The following FARP1 variants were observed in gnomAD, a reference collection of about 807,000 sequenced individuals.
FARP1 encodes the protein FERM, ARHGEF and pleckstrin domain-containing protein 1.
In FARP1, 52 loss-of-function variants were observed where a neutral mutation model predicts 128.8. The ratio of observed to expected loss-of-function variants is 0.40; its 90% CI spans 0.32 to 0.51. FARP1 has a LOEUF of 0.51. FARP1 is among the 20% of genes least tolerant of loss of function. The pLI, the probability that FARP1 is intolerant of heterozygous loss-of-function variation, is 0.45. For missense variants in FARP1, 1,333 were observed against 1,367.9 expected (o/e 0.97, Z 0.40); for synonymous variants, 580 against 551.8 (o/e 1.05, Z -0.72).
At chr13:98,295,806 G>C (rs1403633754) in intron 2 of FARP1, among the ~76,000 whole-genome samples, 1 of 152,178 alleles carries the variant, frequency 6.6e-6, no homozygotes, top group Non-Finnish European at 1.5e-5. Flanking sequence ...CAACGATAAA[G>C]AATTGTATCT....
intron 4 of FARP1, among the ~76,000 whole-genome samples, chr13:98,366,320 T>G (rs1229152882): frequency 2.0e-5 from 3 of 152,236 alleles, no homozygotes; most frequent in Non-Finnish European, 4.4e-5. Flanking sequence ...GAAATTGATG[T>G]TGATCATCTA....
chr13:98,205,621 C>T lies in FARP1; in HGVS notation c.-23-7599C>T, dbSNP rs1041734390. 5.3e-5 allele frequency among the ~76,000 whole-genome samples: 8 copies of T among 152,150 alleles called. No individual in the cohort carries two copies. In the East Asian group the frequency reaches 1.3e-3, roughly 26 times the overall value. On this transcript the variant is annotated intron_variant, in intron 1 of 26. Transcript: ENST00000319562. ...TGTTAGCCAGGGTGGTCTCGATCTC[C>T]TGACCTTGTGATCCACCTGCCTTGG... is the stretch of plus-strand genomic sequence containing the variant.
At chr13:98,246,815 T>G (rs1457118404) in intron 2 of FARP1, among the ~76,000 whole-genome samples, 1 of 152,142 alleles carries the variant, frequency 6.6e-6, no homozygotes, top group Non-Finnish European at 1.5e-5. Context: ...AATGGAACAT[T>G]GTTAATTAGC....
chr13:98,385,911 G>C, intron 8 of FARP1, 97 bp downstream of exon 8: 1 of 1,319,336 alleles, frequency 7.6e-7, no homozygotes, highest in Non-Finnish European at 1.0e-6. Context: ...TAAGACCTCT[G>C]ATGGTTATTT....
rs1877057301 is a variant in FARP1 at position 98,163,862 on chromosome 13, C to G, written c.-24+20370C>G. 2.0e-5 allele frequency among the ~76,000 whole-genome samples: 3 copies of G among 152,116 alleles called. 1 individual carries two copies. In the South Asian group the frequency reaches 6.2e-4, roughly 32 times the overall value. On this transcript the variant is annotated intron_variant, in intron 1 of 26. Transcript: ENST00000319562. The stretch of plus-strand genomic sequence containing the variant: ...TAGCTGGGATGACAGGCACCCGCCA[C>G]CACGCCCAGCTAATTTTTGTATTTT...
chr13:98,419,348 C>T (rs1185043933), intron 16 of FARP1, among the ~76,000 whole-genome samples: 2 of 152,036 alleles, frequency 1.3e-5, no homozygotes, highest in Non-Finnish European at 2.9e-5. Context: ...GTGGCAGGCA[C>T]CTATAATCCC....
intron 1 of FARP1, among the ~76,000 whole-genome samples, chr13:98,165,709 G>GGTTT (rs1566685756): frequency 4.9e-5 from 5 of 102,406 alleles, no homozygotes; most frequent in Non-Finnish European, 6.0e-5. Context: ...TTCCAGAAGG[G>GGTTT]GTTTTTTTTT....
intron 3 of FARP1, among the ~76,000 whole-genome samples, chr13:98,359,668 A>C (rs1490601664): frequency 6.6e-6 from 1 of 152,212 alleles, no homozygotes. Flanking sequence ...TTAGATGCAC[A>C]GGTAGTTGCC....
At chr13:98,420,840 G>A (rs1891566471) in intron 16 of FARP1, among the ~76,000 whole-genome samples, 1 of 152,178 alleles carries the variant, frequency 6.6e-6, no homozygotes, top group South Asian at 2.1e-4. Context: ...CATAATAGAA[G>A]GAACACTTTG....
At chr13:98,223,967 T>G (rs535628305) in intron 2 of FARP1, among the ~76,000 whole-genome samples, 21 of 152,328 alleles carry the variant, frequency 1.4e-4, no homozygotes, top group African/African-American at 4.6e-4. Context: ...AATTTGCCTG[T>G]GACATGAACT....
At chr13:98,235,654 C>T (rs1019746685) in intron 2 of FARP1, among the ~76,000 whole-genome samples, 11 of 152,112 alleles carry the variant, frequency 7.2e-5, no homozygotes, top group Non-Finnish European at 1.2e-4. Flanking sequence ...AGTATATTCA[C>T]GTTGCTATGC....
intron 2 of FARP1, among the ~76,000 whole-genome samples, chr13:98,303,901 A>G (rs1886023708): frequency 6.6e-6 from 1 of 152,198 alleles, no homozygotes; most frequent in Non-Finnish European, 1.5e-5. Context: ...GAAAGACCTG[A>G]AAGTTAATTT....
rs917426826 is a variant in FARP1, at chr13:98,452,980, C to A, written c.*4663C>A. The A allele has an allele frequency of 9.6e-5, 49 of 508,672 alleles. No individual in the cohort carries two copies. Among genetic ancestry groups the A allele is most frequent in the Non-Finnish European group, 1.6e-4 (45 of 290,134 alleles). The allele number at this position is 508,672 out of a possible 1,614,324, so 31.5% of individuals were successfully genotyped here. On this transcript the variant is annotated 3_prime_UTR_variant, in exon 27 of 27. Coordinates refer to ENST00000319562, the MANE Select transcript of FARP1 (RefSeq NM_005766.4). ...GCTGGAAGGAGCTGACCCTCCCCAC[C>A]CATCTGAGAGACTTCATCTGGCTGC...
intron 1 of FARP1, among the ~76,000 whole-genome samples, chr13:98,182,349 A>G (rs1275507515): frequency 1.3e-5 from 2 of 152,128 alleles, no homozygotes; most frequent in Non-Finnish European, 1.5e-5. Flanking sequence ...TTTTTGAGAC[A>G]GGATCTTGCC....
chr13:98,444,015 C>G (rs1253211085), intron 24 of FARP1, among the ~76,000 whole-genome samples: 1 of 152,060 alleles, frequency 6.6e-6, no homozygotes, highest in African/African-American at 2.4e-5. Context: ...AGCCGGAAGT[C>G]CAAAATCAAG....
rs568921403 is a variant in FARP1, at chr13:98,225,597, T to C, written c.171+12184T>C. ...TTTCCCGTCAGGACCCTCCCCTGCC[T>C]TGTGTCTCTTTTGAAGCTCCTGAAA... On this transcript the variant is annotated intron_variant, in intron 2 of 26. Coordinates refer to ENST00000319562, the MANE Select transcript of FARP1 (RefSeq NM_005766.4). Among the ~76,000 whole-genome samples, 6 of 152,348 alleles carry C rather than the reference T, an allele frequency of 3.9e-5. No individual in the cohort carries two copies. In the East Asian group the frequency reaches 1.2e-3, roughly 29 times the overall value.
chr13:98,333,834 T>G (rs1230286873), intron 2 of FARP1: 3 of 152,058 alleles, frequency 2.0e-5, no homozygotes, highest in Non-Finnish European at 4.4e-5. Flanking sequence ...TCCCCAGGGT[T>G]TGGATTTAAA....
intron 10 of FARP1, among the ~76,000 whole-genome samples, chr13:98,390,334 C>T (rs867109048): frequency 6.6e-6 from 1 of 152,186 alleles, no homozygotes; most frequent in Non-Finnish European, 1.5e-5. Flanking sequence ...AAACGCCTAG[C>T]GGGAGTCTCT....
At chr13:98,365,532 A>G in intron 4 of FARP1, 95 bp downstream of exon 4, 1 of 824,030 alleles carries the variant, frequency 1.2e-6, no homozygotes, top group Non-Finnish European at 2.0e-6. Flanking sequence ...GAAGCACTAG[A>G]AACACAAATT....
Sources: gnomAD v4.1 joint callset for allele counts (sites outside exome capture counted in the v4.1 genomes callset) on GRCh38, gnomAD v4.1.1 for gene constraint, MANE v1.5 for transcripts, NCBI Gene and HGNC (gene_info 2026-07-23, HGNC 2026-07-21) for gene names.